TTPA: variants seen among roughly 807,000 people sequenced by gnomAD.
TTPA encodes the protein alpha tocopherol transfer protein, also known as alpha-tocopherol transfer protein.
In TTPA, 23 loss-of-function variants were observed where a neutral mutation model predicts 25.9. That is an observed-to-expected ratio of 0.89 (90% CI 0.64 to 1.26). The LOEUF (loss-of-function observed/expected upper bound fraction) is 1.26. TTPA is among the 50% of genes most tolerant of loss of function. The probability of loss-of-function intolerance (pLI) is 0.00; values close to 1 mark genes in which losing one functional copy is unlikely to be tolerated. For missense variants in TTPA, 337 were observed against 353.1 expected (o/e 0.95, Z 0.37); for synonymous variants, 148 against 137.3 (o/e 1.08, Z -0.54).
rs1346829328 is a variant in TTPA at position 63,065,895 on chromosome 8, T to C, written c.552+9A>G. On this transcript the variant is annotated intron_variant, in intron 3 of 4. Transcript: ENST00000260116. ...AGTATTATGCCTGACAGTTAAAATA[T>C]ACATTTACCGTAAGTACAGCAGCAA... 1 of 1,613,756 alleles carries C rather than the reference T, an allele frequency of 6.2e-7. No homozygotes were observed. The highest frequency in any genetic ancestry group is 2.2e-5 in the East Asian group (1 of 44,862).
downstream of TTPA, among the ~76,000 whole-genome samples, chr8:63,059,020 GTTTTTTTTTTTTTTTTTT>G (rs35335226): frequency 1.5e-5 from 1 of 67,144 alleles, no homozygotes; most frequent in African/African-American, 6.0e-5. Context: ...GCAGGGTCCA[GTTTTTTTTTTTTTTTTTT>G]TTTTTTTTTT....
chr8:63,075,362 T>C (rs1403133285), intron 1 of TTPA, among the ~76,000 whole-genome samples: 1 of 152,142 alleles, frequency 6.6e-6, no homozygotes, highest in Non-Finnish European at 1.5e-5. Context: ...AATGCCATCT[T>C]TTGAATTCCT....
At chr8:63,071,884 TAA>T (rs1373674820) in intron 2 of TTPA, among the ~76,000 whole-genome samples, 1 of 152,176 alleles carries the variant, frequency 6.6e-6, no homozygotes, top group African/African-American at 2.4e-5. Flanking sequence ...TCTGTTTTTA[TAA>T]GTCACCCAGT....
At chr8:63,064,411 G>A (rs1053396361) in intron 3 of TTPA, 95 bp from the exon 4 acceptor site, 5 of 835,994 alleles carry the variant, frequency 6.0e-6, no homozygotes, top group Admixed American at 4.2e-5. Context: ...CTAAGCTTAT[G>A]GAAATATCTA....
intron 1 of TTPA, among the ~76,000 whole-genome samples, chr8:63,084,377 T>G (rs1376232710): frequency 6.6e-6 from 1 of 152,234 alleles, no homozygotes; most frequent in Non-Finnish European, 1.5e-5. Context: ...CCTTGTTGAC[T>G]GCATCTTGTG....
intron 1 of TTPA, among the ~76,000 whole-genome samples, chr8:63,073,700 A>G (rs1488303239): frequency 6.6e-6 from 1 of 152,208 alleles, no homozygotes; most frequent in Admixed American, 6.5e-5. Context: ...TCAAAAACAA[A>G]TAAATCATTG....
intron 1 of TTPA, among the ~76,000 whole-genome samples, chr8:63,083,637 A>T (rs1805699027): frequency 1.3e-5 from 1 of 75,266 alleles, no homozygotes; most frequent in South Asian, 1.1e-3. Context: ...AAGTATAATA[A>T]AAAAAAAAAA....
In TTPA at chr8:63,081,225, C is replaced by T. The variant is rs995990913; in HGVS notation, c.204+4593G>A. ...TTAGATGAATATCCCTGATGAACAT[C>T]GATGCAAAAATCCTCAATAAAATAC... is the stretch of plus-strand genomic sequence containing the variant. On this transcript the variant is annotated intron_variant, in intron 1 of 4. Transcript: ENST00000260116. Among the ~76,000 whole-genome samples, 19 of 152,040 alleles carry T rather than the reference C, an allele frequency of 1.2e-4. No individual in the cohort carries two copies. In the East Asian group the frequency reaches 2.9e-3, roughly 23 times the overall value.
chr8:63,071,419 A>T lies in TTPA; in HGVS notation c.358+1516T>A, dbSNP rs573861483. Among the ~76,000 whole-genome samples, 7 of 152,312 alleles carry T rather than the reference A, an allele frequency of 4.6e-5. No individual in the cohort carries two copies. The South Asian group carries it at 1.4e-3, about 32-fold the overall frequency. The stretch of plus-strand genomic sequence containing the variant: ...TTTAAAGATATAGTTGTTTCTGTAA[A>T]ATTATAATTAAAAAATTCTGGTCAT... On this transcript the variant is annotated intron_variant, in intron 2 of 4. Coordinates refer to ENST00000260116, the MANE Select transcript of TTPA (RefSeq NM_000370.3).
intron 1 of TTPA, among the ~76,000 whole-genome samples, chr8:63,083,635 T>TA (rs11294384): frequency 0.066 from 9,181 of 138,510 alleles, 816 homozygotes; most frequent in African/African-American, 0.21. Flanking sequence ...TAAAGTATAA[T>TA]AAAAAAAAAA....
rs1291074429 is a variant in TTPA, at chr8:63,061,193, C to A, written c.*59G>T. The A allele has an allele frequency of 1.3e-6, 2 of 1,528,114 alleles. No individual in the cohort carries two copies. Among genetic ancestry groups the A allele is most frequent in the South Asian group, 2.3e-5 (2 of 88,538 alleles). 94.7% of individuals were successfully genotyped at this position (1,528,114 alleles called of 1,614,324 possible). On this transcript the variant is annotated 3_prime_UTR_variant, in exon 5 of 5. Coordinates refer to ENST00000260116, the MANE Select transcript of TTPA (RefSeq NM_000370.3). Reference sequence around the variant, plus strand: ...TGCTCCTTTTCTTTCATTCATTTAACCAGGTTGGATATCACTCATGTATTT... The same window carrying A: ...TGCTCCTTTTCTTTCATTCATTTAAACAGGTTGGATATCACTCATGTATTT...
intron 1 of TTPA, among the ~76,000 whole-genome samples, chr8:63,075,698 C>CAAAAAAA (rs751066913): frequency 7.0e-5 from 4 of 56,956 alleles, no homozygotes; most frequent in African/African-American, 1.3e-4. Flanking sequence ...GACTCCGTCT[C>CAAAAAAA]AAAAAAAAAA....
At chr8:63,069,356 A>G (rs1218156416) in intron 2 of TTPA, among the ~76,000 whole-genome samples, 1 of 151,920 alleles carries the variant, frequency 6.6e-6, no homozygotes, top group Non-Finnish European at 1.5e-5. Flanking sequence ...CTAAGTTCTG[A>G]GCCAACCAAC....
chr8:63,075,698 CAAAA>C (rs751066913), intron 1 of TTPA, among the ~76,000 whole-genome samples: 3 of 56,992 alleles, frequency 5.3e-5, no homozygotes, highest in African/African-American at 1.9e-4. Flanking sequence ...GACTCCGTCT[CAAAA>C]AAAAAAAAAA....
At chr8:63,076,978 T>C (rs532410872) in intron 1 of TTPA, among the ~76,000 whole-genome samples, 1 of 151,984 alleles carries the variant, frequency 6.6e-6, no homozygotes, top group South Asian at 2.1e-4. Context: ...AGAAAAAATT[T>C]TGGACAAGAG....
chr8:63,061,187 A>C lies in TTPA; in HGVS notation c.*65T>G, dbSNP rs749931635. The C allele has an allele frequency of 7.9e-6, 12 of 1,515,474 alleles. No homozygotes were observed. Among genetic ancestry groups the C allele is most frequent in the Non-Finnish European group, 1.0e-5 (11 of 1,098,670 alleles). 93.9% of individuals were successfully genotyped at this position (1,515,474 alleles called of 1,614,324 possible). A position where few individuals can be genotyped will look rare whatever the true frequency, so the allele number is the denominator to read the frequency against. ...AAGATTTGCTCCTTTTCTTTCATTC[A>C]TTTAACCAGGTTGGATATCACTCAT... On this transcript the variant is annotated 3_prime_UTR_variant, in exon 5 of 5. Coordinates refer to ENST00000260116, the MANE Select transcript of TTPA (RefSeq NM_000370.3).
chr8:63,079,030 C>T (rs1195109704), intron 1 of TTPA, among the ~76,000 whole-genome samples: 1 of 152,176 alleles, frequency 6.6e-6, no homozygotes, highest in East Asian at 1.9e-4. Context: ...AGGGGGCCAA[C>T]ATTCAACATT....
Position 63,086,011 on chromosome 8 carries a change from G to C in TTPA, c.11C>G (p.Ala4Gly). The change falls in exon 1 of 5, where the codon GCG (alanine) becomes GGG (glycine). Residue 4 changes from alanine to glycine, a missense_variant. Ala to Gly is a moderately conservative substitution (Grantham distance 60, BLOSUM62 0). Transcript: ENST00000260116. MAE[A>G]RSQPSAGPQL... is the part of the protein sequence containing the mutation. The stretch of plus-strand genomic sequence containing the variant: ...CGGCCCCGCCGAGGGCTGGGATCGC[G>C]CCTCTGCCATGCCCGCCGCCGCTGC... The C allele has an allele frequency of 6.8e-7, 1 of 1,461,676 alleles. No homozygotes were observed. 90.5% of individuals were successfully genotyped at this position (1,461,676 alleles called of 1,614,324 possible). A position where few individuals can be genotyped will look rare whatever the true frequency, so the allele number is the denominator to read the frequency against.
chr8:63,065,903 C>A lies in TTPA; in HGVS notation c.552+1G>T, dbSNP rs2129745568. 6.2e-7 allele frequency: 1 copy of A among 1,613,794 alleles called. No homozygotes were observed. Among genetic ancestry groups the A allele is most frequent in the Non-Finnish European group, 8.5e-7 (1 of 1,179,818 alleles). Reference sequence around the variant, plus strand: ...GCCTGACAGTTAAAATATACATTTACCGTAAGTACAGCAGCAATCTTCTTG... The same window carrying A: ...GCCTGACAGTTAAAATATACATTTAACGTAAGTACAGCAGCAATCTTCTTG... On this transcript the variant is annotated splice_donor_variant, in intron 3 of 4. Transcript: ENST00000260116. LOFTEE classifies it high-confidence loss of function.
Sources: allele counts gnomAD v4.1 joint callset (sites outside exome capture counted in the v4.1 genomes callset), GRCh38; gene constraint gnomAD v4.1.1; transcripts MANE v1.5; gene names NCBI Gene and HGNC (gene_info 2026-07-23, HGNC 2026-07-21).